AFG2A: variants seen among roughly 807,000 people sequenced by gnomAD.
The protein encoded by AFG2A is AAA ATPase AFG2A.
chr4:122,935,973 G>T, the AFG2A span: 1 of 1,304,940 alleles, frequency 7.7e-7, no homozygotes, highest in South Asian at 1.8e-5. Flanking sequence ...AATAAAAATT[G>T]TTTGGAAAAT....
At chr4:123,012,598 G>A in the AFG2A span, among the ~76,000 whole-genome samples, 16 of 152,258 alleles carry the variant, frequency 1.1e-4, no homozygotes, top group Admixed American at 2.0e-4. Flanking sequence ...ATTAAACACC[G>A]AGGGAAGACT....
At chr4:123,005,132 T>A in the AFG2A span, among the ~76,000 whole-genome samples, 1 of 152,238 alleles carries the variant, frequency 6.6e-6, no homozygotes, top group South Asian at 2.1e-4. Context: ...TTTGTATTGA[T>A]CTTTTCAAAT....
At chr4:123,057,273 CA>C in the AFG2A span, 2 of 1,613,700 alleles carry the variant, frequency 1.2e-6, no homozygotes, top group Non-Finnish European at 1.7e-6. Flanking sequence ...GATGCCTTAG[CA>C]GTTGAAAGGG....
chr4:123,165,303 G>A, the AFG2A span, among the ~76,000 whole-genome samples: 1 of 152,016 alleles, frequency 6.6e-6, no homozygotes, highest in Admixed American at 6.5e-5. Context: ...TTATGGTGGA[G>A]GTTGCACAAT....
At chr4:122,987,788 C>T in the AFG2A span, among the ~76,000 whole-genome samples, 13 of 152,080 alleles carry the variant, frequency 8.5e-5, no homozygotes, top group African/African-American at 3.1e-4. Flanking sequence ...ATTATTGTGG[C>T]TATTGCTATT....
chr4:123,056,276 A>T, the AFG2A span: 3 of 960,424 alleles, frequency 3.1e-6, no homozygotes, highest in South Asian at 5.9e-5. Context: ...AGGGATTAAT[A>T]AGCAGATTTT....
At chr4:123,207,896 T>A in the AFG2A span, among the ~76,000 whole-genome samples, 1 of 152,122 alleles carries the variant, frequency 6.6e-6, no homozygotes, top group Non-Finnish European at 1.5e-5. Context: ...CTATCCAAAT[T>A]TCAGTGACAT....
At chr4:122,982,864 C>CTTTTTTTTTTTTT in the AFG2A span, among the ~76,000 whole-genome samples, 2 of 93,766 alleles carry the variant, frequency 2.1e-5, no homozygotes, top group Non-Finnish European at 1.9e-5. Context: ...TAATCTTCTT[C>CTTTTTTTTTTTTT]TTTTTTTTTT....
the AFG2A span, among the ~76,000 whole-genome samples, chr4:123,189,740 T>G: frequency 6.6e-6 from 1 of 151,962 alleles, no homozygotes; most frequent in Non-Finnish European, 1.5e-5. Flanking sequence ...ACAGCCACTT[T>G]TGCATAGATT....
the AFG2A span, among the ~76,000 whole-genome samples, chr4:123,090,291 T>TA: frequency 6.6e-6 from 1 of 152,230 alleles, no homozygotes; most frequent in Non-Finnish European, 1.5e-5. Context: ...TGAACTATTT[T>TA]AAATAATCTT....
At chr4:123,119,363 C>G in the AFG2A span, among the ~76,000 whole-genome samples, 2 of 152,088 alleles carry the variant, frequency 1.3e-5, no homozygotes, top group Admixed American at 1.3e-4. Context: ...GCACCCAAAA[C>G]AAGAAAGCAA....
At chr4:123,039,694 C>G in the AFG2A span, among the ~76,000 whole-genome samples, 1 of 150,664 alleles carries the variant, frequency 6.6e-6, no homozygotes, top group Non-Finnish European at 1.5e-5. Context: ...GCTTTGCAGT[C>G]TAGTACAAAG....
chr4:123,151,515 AC>A, the AFG2A span, among the ~76,000 whole-genome samples: 1 of 152,244 alleles, frequency 6.6e-6, no homozygotes, highest in South Asian at 2.1e-4. Context: ...TATGCAACCA[AC>A]AAACATAAGA....
the AFG2A span, among the ~76,000 whole-genome samples, chr4:123,046,013 C>T: frequency 1.3e-5 from 2 of 151,580 alleles, no homozygotes; most frequent in East Asian, 3.9e-4. Context: ...AGGAGGATCA[C>T]TTGAACCTGG....
chr4:123,103,759 G>A, the AFG2A span, among the ~76,000 whole-genome samples: 4 of 152,090 alleles, frequency 2.6e-5, no homozygotes, highest in Non-Finnish European at 4.4e-5. Context: ...GTCTACCTAC[G>A]TGAATGAATA....
the AFG2A span, among the ~76,000 whole-genome samples, chr4:123,030,010 G>A: frequency 6.6e-6 from 1 of 152,084 alleles, no homozygotes; most frequent in African/African-American, 2.4e-5. Flanking sequence ...TTTCTCCTTG[G>A]TCCTTGTCCT....
chr4:123,180,895 A>G, the AFG2A span, among the ~76,000 whole-genome samples: 2 of 151,656 alleles, frequency 1.3e-5, no homozygotes, highest in African/African-American at 4.8e-5. Flanking sequence ...TGGGTAGTAA[A>G]TATTTTAGGC....
chr4:122,949,987 T>C, the AFG2A span, among the ~76,000 whole-genome samples: 1 of 152,224 alleles, frequency 6.6e-6, no homozygotes, highest in Non-Finnish European at 1.5e-5. Context: ...AGGTTGGTCC[T>C]GTGGCAAGGG....
the AFG2A span, among the ~76,000 whole-genome samples, chr4:123,186,540 G>A: frequency 6.6e-6 from 1 of 152,138 alleles, no homozygotes; most frequent in Non-Finnish European, 1.5e-5. Context: ...CTTCTCATTT[G>A]TAAGTTTTAG....
Sources: allele counts gnomAD v4.1 joint callset (sites outside exome capture counted in the v4.1 genomes callset), GRCh38; gene constraint gnomAD v4.1.1; transcripts MANE v1.5; gene names NCBI Gene and HGNC (gene_info 2026-07-23, HGNC 2026-07-21).